The following COP1 variants were observed in gnomAD, a reference collection of about 807,000 sequenced individuals.
COP1 encodes the protein COP1 E3 ubiquitin ligase, also known as E3 ubiquitin-protein ligase COP1.
A neutral mutation model predicts 101.3 loss-of-function variants in COP1; 24 were observed. That is an observed-to-expected ratio of 0.24 (90% CI 0.17 to 0.33). The LOEUF is 0.33. Among genes scored for constraint, COP1 ranks in the 10% least tolerant of loss-of-function variants. COP1 has a pLI of 1.00. For synonymous variants in COP1, 347 were observed against 341.9 expected, an observed-to-expected ratio of 1.01 and a Z score of -0.17; for missense variants, 663 against 906.2, an observed-to-expected ratio of 0.73 and a Z score of 3.45.
intron 18 of COP1, among the ~76,000 whole-genome samples, chr1:175,982,825 T>C (rs895429651): frequency 3.9e-5 from 6 of 152,110 alleles, no homozygotes; most frequent in East Asian, 1.9e-4. Flanking sequence ...TCTTAAAAAA[T>C]TGAACTCAGA....
At chr1:175,949,168 C>CAAAAAAAAAAAAAAAAAAAA (rs56280543) in intron 18 of COP1, among the ~76,000 whole-genome samples, 4 of 43,158 alleles carry the variant, frequency 9.3e-5, no homozygotes, top group African/African-American at 3.1e-4. Context: ...GGCTCCGTCT[C>CAAAAAAAAAAAAAAAAAAAA]AAAAAAAAAA....
intron 11 of COP1, among the ~76,000 whole-genome samples, chr1:176,048,045 C>A (rs1045863327): frequency 6.6e-6 from 1 of 151,998 alleles, no homozygotes; most frequent in African/African-American, 2.4e-5. Flanking sequence ...TGCACTCCAG[C>A]CTGGGTGACA....
chr1:175,984,848 G>A (rs777929002), intron 18 of COP1, among the ~76,000 whole-genome samples: 9 of 152,066 alleles, frequency 5.9e-5, no homozygotes, highest in Non-Finnish European at 8.8e-5. Flanking sequence ...ACTTACATGG[G>A]GCCTGTAGTT....
chr1:175,946,886 G>C (rs1649242442), intron 19 of COP1, among the ~76,000 whole-genome samples: 1 of 152,206 alleles, frequency 6.6e-6, no homozygotes, highest in Non-Finnish European at 1.5e-5. Flanking sequence ...CCCTGTGGGA[G>C]AGTTGTACTG....
At chr1:176,099,480 T>C (rs1289291521) in intron 9 of COP1, among the ~76,000 whole-genome samples, 1 of 150,386 alleles carries the variant, frequency 6.6e-6, no homozygotes, top group Non-Finnish European at 1.5e-5. Flanking sequence ...GGCACACTCC[T>C]GTGAAAAAAA....
rs1186749158 is a variant in COP1, at chr1:175,988,426, CAA to C, written c.1848-16_1848-15del. 1.9e-6 allele frequency: 3 copies of C among 1,581,236 alleles called. No individual in the cohort carries two copies. Among genetic ancestry groups the C allele is most frequent in the Non-Finnish European group, 2.6e-6 (3 of 1,161,126 alleles). ...CTGTCTGTTGAGCTGAGGAAAAGTACAAAGAGTAAGAACTTACTTAAAATTTC... is the reference window on the plus strand; with the variant it reads ...CTGTCTGTTGAGCTGAGGAAAAGTACAGAGTAAGAACTTACTTAAAATTTC... On this transcript the variant is annotated splice_polypyrimidine_tract_variant and intron_variant, in intron 16 of 19. Transcript: ENST00000367669.
At chr1:176,185,584 C>G (rs1698345700) in intron 1 of COP1, among the ~76,000 whole-genome samples, 1 of 152,128 alleles carries the variant, frequency 6.6e-6, no homozygotes, top group Non-Finnish European at 1.5e-5. Context: ...AATGCAAAAC[C>G]TTGTAAAAAG....
rs566514268 is a variant in COP1, at chr1:176,028,020, C to G, written c.1613-332G>C. ...TCTTACCTGGGGGCAGGCAAGAGAG[C>G]GTGTGCAGGGGAACTCCCATTTATA... On this transcript the variant is annotated intron_variant, in intron 14 of 19. Transcript: ENST00000367669. Among the ~76,000 whole-genome samples, 5 of 152,052 alleles carry G rather than the reference C, an allele frequency of 3.3e-5. No homozygotes were observed. The East Asian group carries it at 9.7e-4, about 30-fold the overall frequency.
chr1:176,114,344 T>C (rs950733605), intron 9 of COP1, among the ~76,000 whole-genome samples: 1 of 152,058 alleles, frequency 6.6e-6, no homozygotes, highest in South Asian at 2.1e-4. Flanking sequence ...ATGAATATAA[T>C]ACAGGATGAT....
intron 15 of COP1, among the ~76,000 whole-genome samples, chr1:176,020,092 C>T (rs1315108145): frequency 6.6e-6 from 1 of 151,050 alleles, no homozygotes; most frequent in African/African-American, 2.4e-5. Context: ...TTGGGCAGAT[C>T]ACAAGGTCAG....
At position 176,046,332 on chromosome 1, in the gene COP1, G is replaced by A; in HGVS notation, c.1278-8C>T. On this transcript the variant is annotated splice_polypyrimidine_tract_variant and splice_region_variant and intron_variant, in intron 11 of 19. Coordinates refer to ENST00000367669, the MANE Select transcript of COP1 (RefSeq NM_022457.7). ...TCCCGGTCAAATTCAATACTAAGGG[G>A]AAAAAGTATGTAATGACAACATTTC... The A allele has an allele frequency of 6.2e-7, 1 of 1,602,216 alleles. No homozygotes were observed. Among genetic ancestry groups the A allele is most frequent in the Non-Finnish European group, 8.5e-7 (1 of 1,176,742 alleles).
At chr1:176,126,667 T>C (rs981855344) in intron 8 of COP1, among the ~76,000 whole-genome samples, 2 of 152,166 alleles carry the variant, frequency 1.3e-5, no homozygotes, top group African/African-American at 4.8e-5. Flanking sequence ...TTGGCCAGGA[T>C]GATCTCAATC....
intron 15 of COP1, among the ~76,000 whole-genome samples, chr1:176,011,915 C>T (rs770105551): frequency 9.7e-5 from 11 of 112,982 alleles, no homozygotes; most frequent in Non-Finnish European, 2.2e-4. Flanking sequence ...CAATTACATA[C>T]TGTATACAAT....
rs1200089033 is a variant in COP1, at chr1:176,163,815, G to A, written c.642C>T (p.Thr214=). ...AATAGTAATAAGAGTTGAAACATAC[G>A]GTGCTACTCACTGAGTGGTCCAATT... The part of the protein sequence containing the change: ...RFKLDHSVSS[T]NGHRWQIFQD... Residue 214 remains threonine, a splice_region_variant and synonymous_variant, in exon 4 of 20, where the codon ACC becomes ACT. Transcript: ENST00000367669. The A allele has an allele frequency of 8.4e-6, 13 of 1,554,332 alleles. No individual in the cohort carries two copies. Among genetic ancestry groups the A allele is most frequent in the African/African-American group, 4.1e-5 (3 of 73,214 alleles).
chr1:175,992,035 T>C (rs1253292889), intron 15 of COP1, among the ~76,000 whole-genome samples: 1 of 152,258 alleles, frequency 6.6e-6, no homozygotes, highest in African/African-American at 2.4e-5. Context: ...TTATCAAGTA[T>C]TGTGTAGTAT....
rs998482823 is a variant in COP1 at position 175,972,590 on chromosome 1, G to A, written c.2133+14353C>T. On this transcript the variant is annotated intron_variant, in intron 18 of 19. Coordinates refer to ENST00000367669, the MANE Select transcript of COP1 (RefSeq NM_022457.7). ...AGCGATTCTCCTGCCTCAGCTTCCCGAGTAGCTGGGATTACAGGCGCCCAC... is the reference window on the plus strand; with the variant it reads ...AGCGATTCTCCTGCCTCAGCTTCCCAAGTAGCTGGGATTACAGGCGCCCAC... 2.0e-5 allele frequency among the ~76,000 whole-genome samples: 3 copies of A among 150,618 alleles called. No homozygotes were observed. In the South Asian group the frequency reaches 6.3e-4, roughly 32 times the overall value.
chr1:176,008,906 G>A (rs1024497718), intron 15 of COP1, among the ~76,000 whole-genome samples: 1 of 152,184 alleles, frequency 6.6e-6, no homozygotes, highest in Non-Finnish European at 1.5e-5. Context: ...ACACTTAGCA[G>A]TAACAAGATT....
Position 175,987,187 on chromosome 1 carries a change from A to C in COP1, c.1973-84T>G. ...ACAGTCTAATAGTAATTATCAGCCA[A>C]AGTTATAGTTCAAAGATCTTTTATG... On this transcript the variant is annotated intron_variant, in intron 17 of 19. Transcript: ENST00000367669. 2.0e-5 allele frequency: 14 copies of C among 692,540 alleles called. No individual in the cohort carries two copies. In the South Asian group the frequency reaches 4.0e-4, roughly 20 times the overall value. The allele number at this position is 692,540 out of a possible 1,614,324, so 42.9% of individuals were successfully genotyped here.
chr1:175,975,771 G>A (rs930226960), intron 18 of COP1, among the ~76,000 whole-genome samples: 1 of 152,072 alleles, frequency 6.6e-6, no homozygotes, highest in Admixed American at 6.6e-5. Context: ...GGAAACACAA[G>A]TATGTAAAAA....
Sources: allele counts gnomAD v4.1 joint callset (sites outside exome capture counted in the v4.1 genomes callset), GRCh38; gene constraint gnomAD v4.1.1; transcripts MANE v1.5; gene names NCBI Gene and HGNC (gene_info 2026-07-23, HGNC 2026-07-21).